Variants in TRPV1 observed in about 807,000 individuals in gnomAD.
TRPV1 encodes the protein OTRPC1.
A neutral mutation model predicts 82.3 loss-of-function variants in TRPV1; 82 were observed. The observed-to-expected ratio is 1.00, with a 90% confidence interval of 0.83 to 1.20. The LOEUF is 1.20. Among genes scored for constraint, TRPV1 ranks in the 50% most tolerant of loss-of-function variants. The probability of loss-of-function intolerance (pLI) is 0.00; values close to 1 mark genes in which losing one functional copy is unlikely to be tolerated. For missense variants in TRPV1, 1,067 were observed against 1,096.8 expected, an observed-to-expected ratio of 0.97 and a Z score of 0.38; for synonymous variants, 515 against 467.7, an observed-to-expected ratio of 1.10 and a Z score of -1.30.
At chr17:3,582,024 A>AC (rs1167951886) in intron 10 of TRPV1, among the ~76,000 whole-genome samples, 1 of 146,458 alleles carries the variant, frequency 6.8e-6, no homozygotes, top group Non-Finnish European at 1.5e-5. Flanking sequence ...CCCCGTCTCT[A>AC]CTAAAAATAC....
intron 16 of TRPV1, among the ~76,000 whole-genome samples, chr17:3,567,827 C>A (rs1432063321): frequency 6.6e-6 from 1 of 151,898 alleles, no homozygotes; most frequent in Admixed American, 6.6e-5. Context: ...CAACCTCCAA[C>A]CATCCCCCAT....
intron 8 of TRPV1, among the ~76,000 whole-genome samples, chr17:3,587,974 C>T (rs544357364): frequency 2.6e-5 from 4 of 152,152 alleles, no homozygotes; most frequent in South Asian, 4.1e-4. Context: ...CCCTCTGAAA[C>T]GTTTCTGTTT....
intron 13 of TRPV1, among the ~76,000 whole-genome samples, chr17:3,576,715 C>T (rs224521): frequency 2.3e-5 from 3 of 131,548 alleles, no homozygotes; most frequent in African/African-American, 8.5e-5. Context: ...CGGGCATGGT[C>T]GTGGGCGCCT....
At chr17:3,582,189 C>CAAAAAAA (rs71153376) in intron 10 of TRPV1, among the ~76,000 whole-genome samples, 1 of 25,914 alleles carries the variant, frequency 3.9e-5, no homozygotes, top group Non-Finnish European at 7.3e-5. Context: ...GACTCCATCT[C>CAAAAAAA]AAAAAAAAAA....
chr17:3,583,569 A>ATTAGGGG, intron 9 of TRPV1, 139 bp from the exon 10 acceptor site: 1 of 732,050 alleles, frequency 1.4e-6, no homozygotes, highest in Non-Finnish European at 2.2e-6. Context: ...ACAGTGTGTT[A>ATTAGGGG]TTAGGGGAGC....
chr17:3,596,629 A>G (rs528999111), intron 2 of TRPV1, among the ~76,000 whole-genome samples: 1 of 152,188 alleles, frequency 6.6e-6, no homozygotes, highest in Non-Finnish European at 1.5e-5. Context: ...CTGATGCAGG[A>G]GCAACAAGAA....
rs1330168535 is a variant in TRPV1, at chr17:3,588,350, G to A, written c.1062C>T (p.Leu354=). The A allele has an allele frequency of 1.9e-6, 3 of 1,559,334 alleles. No individual in the cohort carries two copies. The highest frequency in any genetic ancestry group is 1.4e-5 in the African/African-American group (1 of 73,290). ...TGKIGVLAYI[L]QREIQEPECR... Reference sequence around the variant, plus strand: ...ACTCGGGCTCCTGGATCTCCCGCTGGAGAATATAGGCCAAGACCTGCCCCC... The same window carrying A: ...ACTCGGGCTCCTGGATCTCCCGCTGAAGAATATAGGCCAAGACCTGCCCCC... Residue 354 remains leucine, a synonymous_variant, in exon 8 of 17, where the codon CTC becomes CTT. Coordinates refer to ENST00000572705, the MANE Select transcript of TRPV1 (RefSeq NM_080704.4).
chr17:3,591,765 G>A (rs1377287459), intron 3 of TRPV1, among the ~76,000 whole-genome samples: 1 of 152,160 alleles, frequency 6.6e-6, no homozygotes, highest in Admixed American at 6.5e-5. Flanking sequence ...CTGCCTTGCA[G>A]CTCACTGGAG....
intron 16 of TRPV1, among the ~76,000 whole-genome samples, chr17:3,568,677 A>ACAT (rs1474449641): frequency 2.0e-5 from 3 of 152,198 alleles, no homozygotes; most frequent in African/African-American, 7.2e-5. Flanking sequence ...CAGAGATAGG[A>ACAT]CATCAGGCAG....
At chr17:3,573,551 C>CCCCCCCCCCCCCCT in intron 14 of TRPV1, 82 bp downstream of exon 14, 1 of 635,234 alleles carries the variant, frequency 1.6e-6, no homozygotes, top group South Asian at 6.1e-5. Context: ...ACCCACCCAC[C>CCCCCCCCCCCCCCT]TGCAGCCAGC....
chr17:3,571,555 G>GC lies in TRPV1; in HGVS notation c.2315dup (p.Thr773HisfsTer33), dbSNP rs1398521590. 3 of 1,610,370 alleles carry GC rather than the reference G, an allele frequency of 1.9e-6. No individual in the cohort carries two copies. Among genetic ancestry groups the GC allele is most frequent in the Non-Finnish European group, 2.5e-6 (3 of 1,178,512 alleles). On this transcript the variant is annotated frameshift_variant, in exon 16 of 17. Transcript: ENST00000572705. LOFTEE classifies it high-confidence loss of function. ...TTGACCGCAGGGAGAAGCTCAGGGT[G>GC]CGCTTGACGCCCTCACAGTTGCCCG...
chr17:3,572,387 G>A (rs1023315320), intron 14 of TRPV1, 138 bp from the exon 15 acceptor site: 25 of 1,081,666 alleles, frequency 2.3e-5, no homozygotes, highest in Admixed American at 9.7e-5. Context: ...TGCCCTCCAC[G>A]CTAGCTTTGT....
chr17:3,579,539 G>A (rs897012407), intron 11 of TRPV1, among the ~76,000 whole-genome samples: 5 of 152,138 alleles, frequency 3.3e-5, no homozygotes, highest in African/African-American at 1.2e-4. Context: ...GCAATGGCGC[G>A]ATCTGGGCTC....
intron 2 of TRPV1, chr17:3,595,774 G>T (rs161384): frequency 0.85 from 129,845 of 152,260 alleles, 55,614 homozygotes; most frequent in East Asian, 1. Flanking sequence ...GGAAGCAGCC[G>T]GGATTGTGCT....
chr17:3,582,832 C>A (rs1389567589), intron 10 of TRPV1, among the ~76,000 whole-genome samples: 1 of 141,938 alleles, frequency 7.0e-6, no homozygotes, highest in Non-Finnish European at 1.6e-5. Context: ...TGGTGGCAGG[C>A]GCCTGTAATC....
intron 10 of TRPV1, among the ~76,000 whole-genome samples, chr17:3,582,195 A>AC (rs1325689722): frequency 7.0e-6 from 1 of 142,010 alleles, no homozygotes; most frequent in African/African-American, 2.5e-5. Flanking sequence ...ATCTCAAAAA[A>AC]AAAAAAAAAA....
intron 2 of TRPV1, among the ~76,000 whole-genome samples, chr17:3,600,254 A>C (rs2075250928): frequency 6.6e-6 from 1 of 152,098 alleles, no homozygotes; most frequent in Non-Finnish European, 1.5e-5. Flanking sequence ...CTTCTCCAGA[A>C]CCATTGCCTT....
At chr17:3,580,334 A>G in intron 11 of TRPV1, 123 bp downstream of exon 11, 1 of 979,450 alleles carries the variant, frequency 1.0e-6, no homozygotes. Flanking sequence ...GCCTTCCGTC[A>G]TTCCCTCAGC....
At chr17:3,572,351 T>G in intron 14 of TRPV1, 102 bp from the exon 15 acceptor site, 1 of 1,421,728 alleles carries the variant, frequency 7.0e-7, no homozygotes, top group Non-Finnish European at 9.5e-7. Flanking sequence ...CTCCCAGGCC[T>G]AGATGCCTCC....
Sources: gnomAD v4.1 joint callset for allele counts (sites outside exome capture counted in the v4.1 genomes callset) on GRCh38, gnomAD v4.1.1 for gene constraint, MANE v1.5 for transcripts, NCBI Gene and HGNC (gene_info 2026-07-23, HGNC 2026-07-21) for gene names.